Variants in ADAMTS18 observed in about 807,000 individuals in gnomAD.
The protein encoded by ADAMTS18 is A disintegrin and metalloproteinase with thrombospondin motifs 18.
In ADAMTS18, 157 loss-of-function variants were observed where a neutral mutation model predicts 165.9. The observed-to-expected ratio is 0.95, with a 90% CI of 0.83 to 1.08. ADAMTS18 has a LOEUF of 1.08. Ranked by LOEUF, ADAMTS18 falls within the 50% of genes least tolerant of loss-of-function variation. ADAMTS18 has a pLI of 0.00. For synonymous variants in ADAMTS18, 782 were observed against 578.2 expected (o/e 1.35, Z -5.06); for missense variants, 2,040 against 1,534.0 (o/e 1.33, Z -5.51).
chr16:77,291,383 T>C lies in ADAMTS18; in HGVS notation c.3285A>G (p.Arg1095=), dbSNP rs753817827. 8 of 1,614,166 alleles carry C rather than the reference T, an allele frequency of 5.0e-6. No individual in the cohort carries two copies. Among genetic ancestry groups the C allele is most frequent in the Non-Finnish European group, 6.8e-6 (8 of 1,180,010 alleles). ...QGKLITFPER[R]CRNIKKPNLD... ...GATTTGGTTTCTTAATATTACGGCA[T>C]CTTCGCTCTGGGAAAGTTATCAGCT... The change falls in exon 21 of 23, where the codon AGA becomes AGG. Residue 1095 remains arginine, a synonymous_variant. Transcript: ENST00000282849.
intron 7 of ADAMTS18, among the ~76,000 whole-genome samples, chr16:77,359,958 TA>T (rs1276493985): frequency 6.6e-6 from 1 of 152,216 alleles, no homozygotes; most frequent in African/African-American, 2.4e-5. Context: ...TATAATGTGG[TA>T]AGTGCTTCTG....
At chr16:77,405,699 C>T (rs372247064) in intron 3 of ADAMTS18, among the ~76,000 whole-genome samples, 26 of 152,128 alleles carry the variant, frequency 1.7e-4, no homozygotes, top group African/African-American at 5.8e-4. Flanking sequence ...AGTCTAATAT[C>T]GAAGCTCTGG....
At position 77,293,220 on chromosome 16, in the gene ADAMTS18, T is replaced by C; in HGVS notation, c.3045A>G (p.Glu1015=). ...KTCGRGVRKR[E]LLCKGSAAET... ...CTGCGGCAGAGCCCTTGCAGAGGAG[T>C]TCACGCTTCCTCACCCCTCGTCCAC... Residue 1015 remains glutamate, a synonymous_variant, in exon 20 of 23, where the codon GAA becomes GAG. Coordinates refer to ENST00000282849, the MANE Select transcript of ADAMTS18 (RefSeq NM_199355.4). 1 of 1,613,304 alleles carries C rather than the reference T, an allele frequency of 6.2e-7. No individual in the cohort carries two copies. Among genetic ancestry groups the C allele is most frequent in the Non-Finnish European group, 8.5e-7 (1 of 1,179,820 alleles).
At chr16:77,367,199 T>A (rs1046848804) in intron 4 of ADAMTS18, among the ~76,000 whole-genome samples, 1 of 152,204 alleles carries the variant, frequency 6.6e-6, no homozygotes, top group Non-Finnish European at 1.5e-5. Context: ...CTGGGACCTA[T>A]GGCATGAAAG....
At chr16:77,383,585 C>A (rs2057063725) in intron 3 of ADAMTS18, among the ~76,000 whole-genome samples, 1 of 152,028 alleles carries the variant, frequency 6.6e-6, no homozygotes, top group Non-Finnish European at 1.5e-5. Flanking sequence ...CCTCTGTCAC[C>A]CAGGCTGGAT....
Position 77,431,401 on chromosome 16 carries a change from T to C in ADAMTS18, c.389A>G (p.Asp130Gly), listed in dbSNP as rs918763526. 5 of 1,614,186 alleles carry C rather than the reference T, an allele frequency of 3.1e-6. No individual in the cohort carries two copies. ...GGGTTTCTGAGTCTCTGAAGCACCA[T>C]CTTTTCCAAGTACCTGGACAATAAA... ...SHFIVQVLGK[D>G]GASETQKPEV... The change falls in exon 3 of 23, where the codon GAT (aspartate) becomes GGT (glycine). Residue 130 changes from aspartate (D) to glycine (G), a missense_variant. Coordinates refer to ENST00000282849, the MANE Select transcript of ADAMTS18 (RefSeq NM_199355.4).
intron 4 of ADAMTS18, among the ~76,000 whole-genome samples, chr16:77,365,607 G>T (rs1024758428): frequency 6.6e-6 from 1 of 152,218 alleles, no homozygotes; most frequent in African/African-American, 2.4e-5. Flanking sequence ...TAGCCATTGA[G>T]CAGAGACCTA....
At chr16:77,311,720 TGAATA>T (rs2055784517) in intron 16 of ADAMTS18, among the ~76,000 whole-genome samples, 1 of 148,000 alleles carries the variant, frequency 6.8e-6, no homozygotes, top group Non-Finnish European at 1.5e-5. Flanking sequence ...TTTTTTGCTT[TGAATA>T]TATTTGCAAC....
At chr16:77,406,974 A>T (rs1056316541) in intron 3 of ADAMTS18, among the ~76,000 whole-genome samples, 3 of 152,006 alleles carry the variant, frequency 2.0e-5, no homozygotes, top group African/African-American at 7.2e-5. Flanking sequence ...GGGCTGAAAA[A>T]CTACCTATTG....
intron 3 of ADAMTS18, among the ~76,000 whole-genome samples, chr16:77,384,543 G>A (rs1223619678): frequency 6.6e-6 from 1 of 152,158 alleles, no homozygotes; most frequent in East Asian, 1.9e-4. Context: ...ATCTCTGAGG[G>A]TAGTGTTTGA....
chr16:77,311,371 C>G (rs1410128459), intron 16 of ADAMTS18, among the ~76,000 whole-genome samples: 1 of 152,120 alleles, frequency 6.6e-6, no homozygotes, highest in Non-Finnish European at 1.5e-5. Flanking sequence ...ATATGTTTGG[C>G]TCCAAAAGTA....
At chr16:77,350,452 C>T (rs149979608) in intron 10 of ADAMTS18, among the ~76,000 whole-genome samples, 1,843 of 152,126 alleles carry the variant, frequency 0.012, 28 homozygotes, top group South Asian at 0.043. Context: ...TCAAGTGATG[C>T]GACTGTACCA....
chr16:77,303,346 A>G (rs1567466269), intron 16 of ADAMTS18, among the ~76,000 whole-genome samples: 1 of 152,214 alleles, frequency 6.6e-6, no homozygotes, highest in Non-Finnish European at 1.5e-5. Flanking sequence ...TACATTGTCT[A>G]CTTGGCATCT....
At chr16:77,400,067 A>C (rs141046480) in intron 3 of ADAMTS18, among the ~76,000 whole-genome samples, 107 of 152,228 alleles carry the variant, frequency 7.0e-4, no homozygotes, top group African/African-American at 2.4e-3. Context: ...AGATATCTCA[A>C]ATAAGCTAAT....
chr16:77,379,148 C>G (rs1261608402), intron 3 of ADAMTS18, among the ~76,000 whole-genome samples: 1 of 152,086 alleles, frequency 6.6e-6, no homozygotes, highest in African/African-American at 2.4e-5. Context: ...GAGAAGTGAC[C>G]AATGGCAAGG....
intron 11 of ADAMTS18, among the ~76,000 whole-genome samples, chr16:77,336,809 A>G (rs998984164): frequency 1.6e-4 from 24 of 152,066 alleles, no homozygotes; most frequent in Admixed American, 1.6e-3. Context: ...CCTACCCCCA[A>G]TCCCCAACCC....
At chr16:77,327,238 A>C (rs1200038118) in intron 12 of ADAMTS18, among the ~76,000 whole-genome samples, 2 of 152,164 alleles carry the variant, frequency 1.3e-5, no homozygotes, top group East Asian at 1.9e-4. Context: ...GTTACATAAA[A>C]AAGTTCTTTA....
In ADAMTS18 at chr16:77,434,865, G is replaced by C. The variant is rs920512701; in HGVS notation, c.-170C>G. The C allele has an allele frequency of 1.4e-5, 7 of 482,954 alleles. No individual in the cohort carries two copies. Among genetic ancestry groups the C allele is most frequent in the East Asian group, 4.0e-5 (1 of 24,920 alleles). 29.9% of individuals were successfully genotyped at this position (482,954 alleles called of 1,614,324 possible). A position where few individuals can be genotyped will look rare whatever the true frequency, so the allele number is the denominator to read the frequency against. On this transcript the variant is annotated 5_prime_UTR_variant, in exon 1 of 23. Coordinates refer to ENST00000282849, the MANE Select transcript of ADAMTS18 (RefSeq NM_199355.4). The stretch of plus-strand genomic sequence containing the variant: ...GGCGCGCTGGGACCTCCCCTCCTCC[G>C]GCCGCCTGCGCGCCCTCCCTTCTCC...
At chr16:77,388,750 T>TC (rs2057144508) in intron 3 of ADAMTS18, among the ~76,000 whole-genome samples, 1 of 152,166 alleles carries the variant, frequency 6.6e-6, no homozygotes, top group Non-Finnish European at 1.5e-5. Flanking sequence ...GTTGTTTTCT[T>TC]CCCCTCAGCA....
Sources: gnomAD v4.1 joint callset for allele counts (sites outside exome capture counted in the v4.1 genomes callset) on GRCh38, gnomAD v4.1.1 for gene constraint, MANE v1.5 for transcripts, NCBI Gene and HGNC (gene_info 2026-07-23, HGNC 2026-07-21) for gene names.